Variants in FSTL5 observed in about 807,000 individuals in gnomAD.
The protein encoded by FSTL5 is follistatin-related protein 5.
Under a neutral mutation model 89.1 loss-of-function variants are expected in FSTL5, and 62 were observed. The observed-to-expected ratio is 0.70, with a 90% CI of 0.57 to 0.86. The LOEUF is 0.86. Ranked by LOEUF, FSTL5 falls within the 40% of genes least tolerant of loss-of-function variation. The pLI is 0.00. For synonymous variants in FSTL5, 383 were observed against 346.2 expected, an observed-to-expected ratio of 1.11 and a Z score of -1.18; for missense variants, 1,057 against 1,001.6, an observed-to-expected ratio of 1.06 and a Z score of -0.75.
chr4:161,892,551 T>A (rs1733021243), intron 4 of FSTL5, among the ~76,000 whole-genome samples: 2 of 152,062 alleles, frequency 1.3e-5, no homozygotes, highest in Non-Finnish European at 2.9e-5. Context: ...GTCTATAGGT[T>A]CAAATAAATG....
intron 8 of FSTL5, among the ~76,000 whole-genome samples, chr4:161,554,491 C>G (rs1430716676): frequency 6.6e-6 from 1 of 151,472 alleles, no homozygotes; most frequent in East Asian, 1.9e-4. Flanking sequence ...ATTATTGCCG[C>G]AGAGTATGGA....
At chr4:161,940,819 AAAAAC>A (rs201496551) in intron 3 of FSTL5, among the ~76,000 whole-genome samples, 1 of 151,816 alleles carries the variant, frequency 6.6e-6, no homozygotes, top group Admixed American at 6.6e-5. Flanking sequence ...GCAACATGAA[AAAAAC>A]AAAACAAAAC....
chr4:162,058,345 T>C (rs1738617942), intron 2 of FSTL5, among the ~76,000 whole-genome samples: 1 of 151,492 alleles, frequency 6.6e-6, no homozygotes, highest in African/African-American at 2.4e-5. Context: ...TGACAAGAAA[T>C]AGATTAGCCT....
At chr4:161,770,611 T>G (rs770129990) in intron 5 of FSTL5, among the ~76,000 whole-genome samples, 2 of 152,020 alleles carry the variant, frequency 1.3e-5, no homozygotes, top group Non-Finnish European at 2.9e-5. Flanking sequence ...ATATATTGTT[T>G]CTTTCATCAC....
In FSTL5 at chr4:161,509,383, G is replaced by A. The variant is rs192081152; in HGVS notation, c.1339+1015C>T. 6.7e-3 allele frequency among the ~76,000 whole-genome samples: 1,017 copies of A among 152,180 alleles called. 11 individuals are homozygous for A. The highest frequency in any genetic ancestry group is 0.023 in the African/African-American group (956 of 41,496). ...AACGAGTGAATTATGTACATTTAAAGGTGAAATATTTGAAGTGGAATAAAA... is the reference window on the plus strand; with the variant it reads ...AACGAGTGAATTATGTACATTTAAAAGTGAAATATTTGAAGTGGAATAAAA... On this transcript the variant is annotated intron_variant, in intron 11 of 15. Coordinates refer to ENST00000306100, the MANE Select transcript of FSTL5 (RefSeq NM_020116.5).
chr4:162,161,882 T>G (rs984147912), intron 1 of FSTL5, among the ~76,000 whole-genome samples: 1 of 152,062 alleles, frequency 6.6e-6, no homozygotes, highest in Non-Finnish European at 1.5e-5. Context: ...TTTCAAAATT[T>G]GTAGTGGAAA....
At chr4:161,437,365 G>T (rs939917116) in intron 15 of FSTL5, among the ~76,000 whole-genome samples, 5 of 151,988 alleles carry the variant, frequency 3.3e-5, no homozygotes, top group Admixed American at 6.6e-5. Flanking sequence ...AGGAGATCGA[G>T]ACCATCCTGG....
chr4:161,567,605 G>A (rs1389288721), intron 8 of FSTL5, among the ~76,000 whole-genome samples: 1 of 152,080 alleles, frequency 6.6e-6, no homozygotes, highest in East Asian at 1.9e-4. Flanking sequence ...ATATCTATGT[G>A]TAGATATAAC....
At chr4:161,712,326 A>G (rs554877471) in intron 6 of FSTL5, among the ~76,000 whole-genome samples, 2 of 152,300 alleles carry the variant, frequency 1.3e-5, no homozygotes, top group South Asian at 4.1e-4. Context: ...AATAAATAAC[A>G]TAGAGATAAG....
At chr4:161,679,426 A>C (rs1184366582) in intron 6 of FSTL5, among the ~76,000 whole-genome samples, 3 of 151,750 alleles carry the variant, frequency 2.0e-5, no homozygotes, top group African/African-American at 7.2e-5. Flanking sequence ...CAGGAAAAAA[A>C]AGTATGTAAC....
intron 4 of FSTL5, among the ~76,000 whole-genome samples, chr4:161,808,973 C>T (rs887002506): frequency 1.3e-5 from 2 of 152,152 alleles, no homozygotes; most frequent in East Asian, 1.9e-4. Flanking sequence ...AACCTCAGCA[C>T]TTTGGGAGGC....
At chr4:161,908,381 A>C (rs971305891) in intron 4 of FSTL5, among the ~76,000 whole-genome samples, 2 of 152,080 alleles carry the variant, frequency 1.3e-5, no homozygotes, top group African/African-American at 4.8e-5. Context: ...ACATTACATG[A>C]ATTACTACCT....
At chr4:161,789,132 C>T (rs1729364620) in intron 4 of FSTL5, among the ~76,000 whole-genome samples, 1 of 152,066 alleles carries the variant, frequency 6.6e-6, no homozygotes, top group African/African-American at 2.4e-5. Context: ...TACACTAACA[C>T]AAAAATATAT....
Position 161,627,665 on chromosome 4 carries a change from A to G in FSTL5, c.894+28663T>C, listed in dbSNP as rs575397182. 5.3e-5 allele frequency among the ~76,000 whole-genome samples: 8 copies of G among 152,306 alleles called. No homozygotes were observed. The East Asian group carries it at 1.5e-3, about 29-fold the overall frequency. ...ATATTAACTTTTAATAATTCACCATATATTTATACCCATTACTACACTGCC... is the reference window on the plus strand; with the variant it reads ...ATATTAACTTTTAATAATTCACCATGTATTTATACCCATTACTACACTGCC... On this transcript the variant is annotated intron_variant, in intron 7 of 15. Transcript: ENST00000306100.
intron 5 of FSTL5, among the ~76,000 whole-genome samples, chr4:161,774,045 A>T (rs1264281307): frequency 6.6e-6 from 1 of 152,108 alleles, no homozygotes; most frequent in Non-Finnish European, 1.5e-5. Context: ...GTGGATCACG[A>T]GGTCAGGAGA....
intron 11 of FSTL5, among the ~76,000 whole-genome samples, chr4:161,503,568 T>C (rs528975881): frequency 5.3e-5 from 8 of 152,090 alleles, no homozygotes; most frequent in Admixed American, 3.9e-4. Flanking sequence ...AAATATTCTA[T>C]TACATTATAA....
chr4:161,435,592 G>A (rs1732532656), intron 15 of FSTL5, among the ~76,000 whole-genome samples: 1 of 151,656 alleles, frequency 6.6e-6, no homozygotes, highest in African/African-American at 2.4e-5. Context: ...TGGATTGTCT[G>A]TAACACAAAA....
intron 4 of FSTL5, among the ~76,000 whole-genome samples, chr4:161,791,427 T>A (rs1376762816): frequency 6.6e-6 from 1 of 152,210 alleles, no homozygotes; most frequent in Non-Finnish European, 1.5e-5. Context: ...ATAGCTGGTT[T>A]TGGCAAATAC....
intron 4 of FSTL5, among the ~76,000 whole-genome samples, chr4:161,845,971 G>A (rs1362082657): frequency 2.0e-5 from 3 of 151,828 alleles, no homozygotes; most frequent in South Asian, 2.1e-4. Context: ...GCTTGAACTC[G>A]GGAGGCAGAG....
Sources: gnomAD v4.1 joint callset for allele counts (sites outside exome capture counted in the v4.1 genomes callset) on GRCh38, gnomAD v4.1.1 for gene constraint, MANE v1.5 for transcripts, NCBI Gene and HGNC (gene_info 2026-07-23, HGNC 2026-07-21) for gene names.